Variants in ERICH1 observed in about 807,000 individuals in gnomAD.
ERICH1 encodes glutamate-rich protein 1.
Under a neutral mutation model 39.6 loss-of-function variants are expected in ERICH1, and 56 were observed. That is an observed-to-expected ratio of 1.41 (90% CI 1.14 to 1.77). ERICH1 has a LOEUF of 1.77. Among genes scored for constraint, ERICH1 ranks in the 40% most tolerant of loss-of-function variants. The probability of loss-of-function intolerance (pLI) is 0.00; values close to 1 mark genes in which losing one functional copy is unlikely to be tolerated. For missense variants in ERICH1, 826 were observed against 575.4 expected (o/e 1.44, Z -4.45); for synonymous variants, 313 against 223.6 (o/e 1.40, Z -3.57).
chr8:621,561 C>T (rs1475630379), intron 3 of ERICH1, among the ~76,000 whole-genome samples: 1 of 150,898 alleles, frequency 6.6e-6, no homozygotes, highest in Non-Finnish European at 1.5e-5. Context: ...GAAGAGCAAA[C>T]TAAAAACCAG....
chr8:674,449 A>G (rs536882855), intron 3 of ERICH1, among the ~76,000 whole-genome samples: 3 of 152,138 alleles, frequency 2.0e-5, no homozygotes, highest in East Asian at 1.9e-4. Context: ...AGTACAGGCA[A>G]GCACCACCAT....
At chr8:704,323 C>G (rs1404514164) in intron 2 of ERICH1, among the ~76,000 whole-genome samples, 1 of 152,130 alleles carries the variant, frequency 6.6e-6, no homozygotes, top group African/African-American at 2.4e-5. Flanking sequence ...GGAGTTACGG[C>G]AAGGACTTGG....
At chr8:626,857 C>G (rs1797618717) in intron 3 of ERICH1, 1 of 282,648 alleles carries the variant, frequency 3.5e-6, no homozygotes, top group African/African-American at 2.2e-5. Flanking sequence ...GGAGGCTGTC[C>G]AGGGAGAGCT....
intron 3 of ERICH1, chr8:625,734 T>C (rs1313305346): frequency 6.6e-6 from 1 of 152,270 alleles, no homozygotes; most frequent in Non-Finnish European, 1.5e-5. Context: ...AACCTGCTTC[T>C]GAACCGTGCA....
In ERICH1 at chr8:650,476, G is replaced by A. The variant is rs572397232; in HGVS notation, c.976+18122C>T. 3.9e-5 allele frequency among the ~76,000 whole-genome samples: 6 copies of A among 152,326 alleles called. No individual in the cohort carries two copies. The South Asian group carries it at 1.0e-3, about 26-fold the overall frequency. On this transcript the variant is annotated intron_variant, in intron 3 of 3. Coordinates refer to the ERICH1 transcript ENST00000522706. ...CAGTTACCGTCCTCGGCAGGGCACT[G>A]TCACATCCTAACGTGAGGACGAAAT... is the stretch of plus-strand genomic sequence containing the variant.
At chr8:708,056 C>G (rs188331808) in intron 2 of ERICH1, among the ~76,000 whole-genome samples, 1 of 151,938 alleles carries the variant, frequency 6.6e-6, no homozygotes, top group Non-Finnish European at 1.5e-5. Flanking sequence ...CATTCTCAGT[C>G]ATCAGAAAAA....
At position 673,617 on chromosome 8, in the gene ERICH1, G is replaced by C; in HGVS notation, c.735C>G (p.Ala245=). 6.4e-7 allele frequency: 1 copy of C among 1,554,024 alleles called. No homozygotes were observed. The highest frequency in any genetic ancestry group is 8.8e-7 in the Non-Finnish European group (1 of 1,132,510). The change falls in exon 4 of 6, where the codon GCC becomes GCG. Residue 245 remains alanine, a synonymous_variant. Coordinates refer to ENST00000262109, the MANE Select transcript of ERICH1 (RefSeq NM_207332.3). ...ADASEEDLTR[A]RQEEGADASE... is the part of the protein sequence containing the mutation. ...TGGCGTCCGCACCCTCTTCCTGCCT[G>C]GCCCGTGTCAGGTCTTCCTCGCTAG...
chr8:722,455 A>G (rs1478298579), intron 1 of ERICH1, among the ~76,000 whole-genome samples: 1 of 152,230 alleles, frequency 6.6e-6, no homozygotes, highest in African/African-American at 2.4e-5. Context: ...ATTTCAAATA[A>G]AAGACACAGC....
intron 2 of ERICH1, among the ~76,000 whole-genome samples, chr8:709,712 G>C (rs1016346396): frequency 2.6e-5 from 4 of 152,114 alleles, no homozygotes; most frequent in Admixed American, 6.5e-5. Flanking sequence ...GACTCAAATG[G>C]ACCCAGCCAC....
chr8:686,931 C>T (rs542260840), intron 3 of ERICH1, among the ~76,000 whole-genome samples: 2 of 123,516 alleles, frequency 1.6e-5, no homozygotes, highest in South Asian at 6.0e-4. Flanking sequence ...GGGTGAGATG[C>T]GAGGAATGCG....
chr8:665,680 T>A (rs1802105286), intron 5 of ERICH1, among the ~76,000 whole-genome samples: 1 of 152,196 alleles, frequency 6.6e-6, no homozygotes, highest in South Asian at 2.1e-4. Context: ...CAGCTACTAC[T>A]GATAAAGAGT....
At chr8:619,362 T>A (rs558254158) in intron 3 of ERICH1, among the ~76,000 whole-genome samples, 1 of 152,230 alleles carries the variant, frequency 6.6e-6, no homozygotes, top group African/African-American at 2.4e-5. Flanking sequence ...AAAGACAGTA[T>A]AACATATTTC....
At chr8:721,645 G>A (rs1236676325) in intron 1 of ERICH1, among the ~76,000 whole-genome samples, 1 of 152,214 alleles carries the variant, frequency 6.6e-6, no homozygotes, top group African/African-American at 2.4e-5. Context: ...ATGACACAAG[G>A]ACCCCACGGA....
downstream of ERICH1, among the ~76,000 whole-genome samples, chr8:660,722 G>C (rs1801302430): frequency 6.6e-6 from 1 of 152,248 alleles, no homozygotes. Context: ...CCCAAACTGG[G>C]AGGGAGCAAG....
chr8:619,252 G>A (rs550873314), intron 3 of ERICH1, among the ~76,000 whole-genome samples: 30 of 152,260 alleles, frequency 2.0e-4, no homozygotes, highest in Non-Finnish European at 3.7e-4. Flanking sequence ...GAAAGGGCAC[G>A]TGACCCATCG....
intron 2 of ERICH1, among the ~76,000 whole-genome samples, chr8:712,936 C>G (rs112080126): frequency 0.023 from 3,442 of 152,288 alleles, 152 homozygotes; most frequent in African/African-American, 0.079. Context: ...AGTGCATTAG[C>G]TTTCTAGGGC....
intron 3 of ERICH1, among the ~76,000 whole-genome samples, chr8:635,293 C>G (rs73177064): frequency 0.073 from 11,158 of 152,262 alleles, 460 homozygotes; most frequent in Admixed American, 0.081. Flanking sequence ...AAACAGGCGT[C>G]TAAGTCTGTG....
intron 2 of ERICH1, among the ~76,000 whole-genome samples, chr8:712,704 T>C (rs1815033255): frequency 6.6e-6 from 1 of 152,220 alleles, no homozygotes; most frequent in South Asian, 2.1e-4. Flanking sequence ...CCCAAAGTGC[T>C]GGGTGTTTTT....
intron 3 of ERICH1, among the ~76,000 whole-genome samples, chr8:630,048 C>T (rs1387080376): frequency 1.8e-4 from 13 of 74,002 alleles, no homozygotes; most frequent in South Asian, 5.2e-4. Context: ...ACCACCCACA[C>T]AGACAGAGCT....
Sources: allele counts gnomAD v4.1 joint callset (sites outside exome capture counted in the v4.1 genomes callset), GRCh38; gene constraint gnomAD v4.1.1; transcripts MANE v1.5; gene names NCBI Gene and HGNC (gene_info 2026-07-23, HGNC 2026-07-21).